The following SYNPO2 variants were observed in gnomAD, a reference collection of about 807,000 sequenced individuals.
The protein encoded by SYNPO2 is synaptopodin-2.
In SYNPO2, 56 loss-of-function variants were observed where a neutral mutation model predicts 85.0. The ratio of observed to expected loss-of-function variants is 0.66; its 90% confidence interval spans 0.53 to 0.82. The LOEUF is 0.82. Among genes scored for constraint, SYNPO2 ranks in the 40% least tolerant of loss-of-function variants. SYNPO2 has a pLI of 0.00. For synonymous variants in SYNPO2, 602 were observed against 591.1 expected (o/e 1.02, Z -0.27); for missense variants, 1,575 against 1,534.2 (o/e 1.03, Z -0.44).
At chr4:118,943,093 C>T (rs1029715101) in intron 1 of SYNPO2, among the ~76,000 whole-genome samples, 4 of 148,258 alleles carry the variant, frequency 2.7e-5, no homozygotes, top group Admixed American at 6.8e-5. Context: ...GGTGACAGAG[C>T]GAGACTCCAT....
chr4:119,002,576 T>C (rs1238406294), intron 1 of SYNPO2, among the ~76,000 whole-genome samples: 2 of 152,200 alleles, frequency 1.3e-5, no homozygotes, highest in Middle Eastern at 3.2e-3. Flanking sequence ...CCATCTTTCC[T>C]GGAGTCTTCT....
chr4:118,939,588 C>T (rs998585757), intron 1 of SYNPO2, among the ~76,000 whole-genome samples: 13 of 152,144 alleles, frequency 8.5e-5, no homozygotes, highest in African/African-American at 1.2e-4. Flanking sequence ...TGCCTATCCA[C>T]GTATGGCAGC....
At chr4:118,853,877 A>G (rs550744101) in intron 1 of SYNPO2, among the ~76,000 whole-genome samples, 1 of 152,334 alleles carries the variant, frequency 6.6e-6, no homozygotes, top group South Asian at 2.1e-4. Context: ...GAATATGTGC[A>G]GGAAAGAGGC....
chr4:118,964,297 AAC>A (rs10523074), intron 1 of SYNPO2, among the ~76,000 whole-genome samples: 10,478 of 140,444 alleles, frequency 0.075, 395 homozygotes, highest in Middle Eastern at 0.098. Context: ...AAACACACAC[AAC>A]ACACACACAC....
chr4:118,988,453 A>T (rs747967923), intron 1 of SYNPO2, among the ~76,000 whole-genome samples: 1 of 152,188 alleles, frequency 6.6e-6, no homozygotes, highest in Non-Finnish European at 1.5e-5. Flanking sequence ...CAGCAGGTTG[A>T]GCAAAACCTA....
intron 1 of SYNPO2, among the ~76,000 whole-genome samples, chr4:118,864,745 C>T (rs895220170): frequency 6.6e-6 from 1 of 152,122 alleles, no homozygotes; most frequent in Non-Finnish European, 1.5e-5. Context: ...TCTGTTTTGT[C>T]TGATATAAAT....
At chr4:118,858,113 A>T (rs1456088028) in intron 1 of SYNPO2, among the ~76,000 whole-genome samples, 1 of 151,990 alleles carries the variant, frequency 6.6e-6, no homozygotes, top group Non-Finnish European at 1.5e-5. Flanking sequence ...CTCCTTTACA[A>T]TCCTCCTTCA....
chr4:118,948,984 A>G (rs1179800649), intron 1 of SYNPO2, among the ~76,000 whole-genome samples: 4 of 152,186 alleles, frequency 2.6e-5, no homozygotes. Flanking sequence ...TAGAATAAGA[A>G]AGCCTGGGTT....
intron 1 of SYNPO2, among the ~76,000 whole-genome samples, chr4:118,968,362 G>C (rs769620925): frequency 3.9e-5 from 6 of 152,168 alleles, no homozygotes; most frequent in Non-Finnish European, 8.8e-5. Flanking sequence ...TTACAGCAAT[G>C]TCCTGGCTCC....
At chr4:118,958,316 G>A (rs1428795856) in intron 1 of SYNPO2, among the ~76,000 whole-genome samples, 1 of 152,182 alleles carries the variant, frequency 6.6e-6, no homozygotes, top group Admixed American at 6.5e-5. Context: ...GGAAAGTGCA[G>A]ATGAAACTTA....
chr4:118,942,969 T>C (rs1410344041), intron 1 of SYNPO2, among the ~76,000 whole-genome samples: 1 of 152,046 alleles, frequency 6.6e-6, no homozygotes, highest in Non-Finnish European at 1.5e-5. Context: ...TAGCTGGGCA[T>C]GGGGGCATGC....
At chr4:118,987,576 A>G (rs940719536) in intron 1 of SYNPO2, among the ~76,000 whole-genome samples, 1 of 151,544 alleles carries the variant, frequency 6.6e-6, no homozygotes. Context: ...ATTTGGGAGG[A>G]TCACTTGAGC....
At chr4:119,046,717 TA>T (rs1738881429) in intron 4 of SYNPO2, among the ~76,000 whole-genome samples, 1 of 152,196 alleles carries the variant, frequency 6.6e-6, no homozygotes, top group African/African-American at 2.4e-5. Flanking sequence ...ATCTTACAAT[TA>T]AGGAAAATAA....
At chr4:119,026,489 C>A in intron 2 of SYNPO2, 138 bp from the exon 3 acceptor site, 1 of 951,788 alleles carries the variant, frequency 1.1e-6, no homozygotes, top group African/African-American at 1.6e-5. Flanking sequence ...CTTCTGTTTT[C>A]AAATATGTTG....
At chr4:118,921,315 T>C (rs1286133601) in intron 1 of SYNPO2, among the ~76,000 whole-genome samples, 1 of 152,192 alleles carries the variant, frequency 6.6e-6, no homozygotes, top group African/African-American at 2.4e-5. Flanking sequence ...TGTTTCATTC[T>C]CATAAGTACT....
At chr4:118,975,074 C>G (rs1735673194) in intron 1 of SYNPO2, among the ~76,000 whole-genome samples, 1 of 152,220 alleles carries the variant, frequency 6.6e-6, no homozygotes, top group Admixed American at 6.5e-5. Context: ...TCCAACCTTA[C>G]TTTCAATAAC....
At chr4:118,976,101 C>G (rs1338194029) in intron 1 of SYNPO2, among the ~76,000 whole-genome samples, 1 of 152,206 alleles carries the variant, frequency 6.6e-6, no homozygotes, top group Non-Finnish European at 1.5e-5. Context: ...GGTTCTTGGT[C>G]TCACTGACTT....
At chr4:118,909,334 C>G (rs943283593) in intron 1 of SYNPO2, among the ~76,000 whole-genome samples, 6 of 151,988 alleles carry the variant, frequency 3.9e-5, no homozygotes, top group Non-Finnish European at 8.8e-5. Flanking sequence ...CCTGAGTAAG[C>G]CTAGGCTAAA....
At chr4:118,880,492 G>A (rs112162751) in intron 1 of SYNPO2, among the ~76,000 whole-genome samples, 4,701 of 152,292 alleles carry the variant, frequency 0.031, 207 homozygotes, top group East Asian at 0.16. Flanking sequence ...GCTCATGCCT[G>A]TAATCCCAGC....
Sources: allele counts gnomAD v4.1 joint callset (sites outside exome capture counted in the v4.1 genomes callset), GRCh38; gene constraint gnomAD v4.1.1; transcripts MANE v1.5; gene names NCBI Gene and HGNC (gene_info 2026-07-23, HGNC 2026-07-21).